The following MIER2 variants were observed in gnomAD, a reference collection of about 807,000 sequenced individuals.
The protein encoded by MIER2 is MIER family member 2.
A neutral mutation model predicts 67.6 loss-of-function variants in MIER2; 30 were observed. The ratio of observed to expected loss-of-function variants is 0.44; its 90% CI spans 0.33 to 0.60. MIER2 has a LOEUF of 0.60. Ranked by LOEUF, MIER2 falls within the 20% of genes least tolerant of loss-of-function variation. MIER2 has a pLI of 0.02. For missense variants in MIER2, 702 were observed against 745.1 expected (o/e 0.94, Z 0.67); for synonymous variants, 372 against 312.6 (o/e 1.19, Z -2.00).
intron 8 of MIER2, 38 bp from the exon 9 acceptor site, chr19:312,310 C>A: frequency 6.3e-7 from 1 of 1,594,436 alleles, no homozygotes; most frequent in Non-Finnish European, 8.6e-7. Context: ...ATGGGCTCAG[C>A]GCAGGAGCCG....
At chr19:343,141 A>C (rs1407979728) in intron 1 of MIER2, among the ~76,000 whole-genome samples, 1 of 152,204 alleles carries the variant, frequency 6.6e-6, no homozygotes, top group East Asian at 1.9e-4. Context: ...AAAGTGTAAA[A>C]CAGGGTTAAC....
At chr19:343,536 G>C (rs920548990) in intron 1 of MIER2, among the ~76,000 whole-genome samples, 14 of 152,206 alleles carry the variant, frequency 9.2e-5, no homozygotes, top group Admixed American at 6.5e-4. Flanking sequence ...TACTGCCCCT[G>C]AGGTCGTCAC....
intron 3 of MIER2, among the ~76,000 whole-genome samples, chr19:329,416 A>G: frequency 6.6e-6 from 1 of 152,152 alleles, no homozygotes; most frequent in East Asian, 1.9e-4. Context: ...ACCCTTTCCT[A>G]AGAGCACTCA....
At chr19:307,726 T>G (rs879791569) in intron 12 of MIER2, among the ~76,000 whole-genome samples, 190 bp from the exon 13 acceptor site, 44 of 142,222 alleles carry the variant, frequency 3.1e-4, no homozygotes, top group Admixed American at 1.6e-3. Context: ...GCTTTAGAAG[T>G]AGATTTTAGT....
chr19:313,444 C>T (rs370412321), intron 8 of MIER2, 48 bp downstream of exon 8: 45 of 1,588,542 alleles, frequency 2.8e-5, no homozygotes, highest in Middle Eastern at 1.8e-4. Flanking sequence ...CTCTGGCCCA[C>T]GCCACGGCAG....
At chr19:329,804 T>C (rs1971935396) in intron 3 of MIER2, among the ~76,000 whole-genome samples, 1 of 147,782 alleles carries the variant, frequency 6.8e-6, no homozygotes, top group Non-Finnish European at 1.5e-5. Context: ...AGGCAGAGGT[T>C]GCAGTGAGCC....
At chr19:319,715 C>T (rs566529315) in intron 7 of MIER2, among the ~76,000 whole-genome samples, 4 of 152,246 alleles carry the variant, frequency 2.6e-5, no homozygotes, top group Admixed American at 2.6e-4. Flanking sequence ...CCCCAGCCTC[C>T]CAAAGTGCTG....
intron 2 of MIER2, among the ~76,000 whole-genome samples, chr19:334,980 G>A (rs560138819): frequency 6.6e-6 from 1 of 152,322 alleles, no homozygotes; most frequent in East Asian, 1.9e-4. Flanking sequence ...GCATCAAGGA[G>A]CATGCAGGGA....
intron 7 of MIER2, among the ~76,000 whole-genome samples, chr19:321,206 T>A (rs1333105626): frequency 6.6e-6 from 1 of 152,146 alleles, no homozygotes; most frequent in Non-Finnish European, 1.5e-5. Context: ...CGGTTTCAAA[T>A]AAATTTTACC....
intron 2 of MIER2, 140 bp from the exon 3 acceptor site, chr19:334,682 C>A (rs1020818931): frequency 6.3e-5 from 71 of 1,124,934 alleles, no homozygotes; most frequent in Non-Finnish European, 4.9e-5. Context: ...GGGAACCCAA[C>A]AGGACACCCC....
rs113699669 is a variant in MIER2, at chr19:342,394, G to C, written c.9+2380C>G. Among the ~76,000 whole-genome samples, 93 of 152,022 alleles carry C rather than the reference G, an allele frequency of 6.1e-4. 1 individual carries two copies. The East Asian group carries it at 0.015, about 24-fold the overall frequency. On this transcript the variant is annotated intron_variant, in intron 1 of 13. Coordinates refer to ENST00000264819, the MANE Select transcript of MIER2 (RefSeq NM_017550.3). ...AGGGAAGGCCTGGGGGGCCTCAGTC[G>C]AGGTGGAACCATCGTTGGCAGCCCC...
chr19:315,179 AC>A (rs143561603), intron 7 of MIER2, among the ~76,000 whole-genome samples: 19,692 of 152,176 alleles, frequency 0.13, 1,653 homozygotes, highest in African/African-American at 0.22. Flanking sequence ...AGCCTGGCAA[AC>A]ATGGCGAAAC....
rs536095027 is a variant in MIER2 at position 327,897 on chromosome 19, C to T, written c.336G>A (p.Val112=). 1.9e-6 allele frequency: 3 copies of T among 1,612,420 alleles called. No individual in the cohort carries two copies. The South Asian group carries it at 3.3e-5, about 18-fold the overall frequency. ...GGGTCATGTCTGGGAGGTTCGGGGC[C>T]ACGTCACCACCCTCACTCTCCCGGT... The part of the protein sequence containing the change: ...ISDRESEGGD[V]APNLPDMTLD... Residue 112 remains valine (V), a synonymous_variant, in exon 4 of 14, where the codon GTG becomes GTA. Transcript: ENST00000264819.
In MIER2 at chr19:344,584, G is replaced by GA. The variant is rs1375763345; in HGVS notation, c.9+189_9+190insT. 3.1e-5 allele frequency: 3 copies of GA among 96,832 alleles called. No individual in the cohort carries two copies. The African/African-American group carries it at 2.0e-3, about 64-fold the overall frequency. The allele number at this position is 96,832 out of a possible 1,614,324, so 6.0% of individuals were successfully genotyped here. On this transcript the variant is annotated intron_variant, in intron 1 of 13. Coordinates refer to ENST00000264819, the MANE Select transcript of MIER2 (RefSeq NM_017550.3). ...CAGCCGGGGGAGTTGGGGGGTGGGG[G>GA]CCGGCCGGGGGCGGCCGCCGATGGA...
chr19:340,639 C>T, intron 1 of MIER2: 1 of 152,584 alleles, frequency 6.6e-6, no homozygotes, highest in Non-Finnish European at 1.5e-5. Context: ...GGAAGGAAAT[C>T]CATGTATAAG....
chr19:342,018 C>T (rs1472076765), intron 1 of MIER2, among the ~76,000 whole-genome samples: 1 of 152,134 alleles, frequency 6.6e-6, no homozygotes, highest in Non-Finnish European at 1.5e-5. Context: ...GTGGCAGGTT[C>T]CATTCGCCAA....
At position 313,534 on chromosome 19, in the gene MIER2, C is replaced by A. The variant is rs1298236403; in HGVS notation, c.765G>T (p.Gly255=). The A allele has an allele frequency of 1.2e-6, 2 of 1,612,994 alleles. No homozygotes were observed. Among genetic ancestry groups the A allele is most frequent in the South Asian group, 2.2e-5 (2 of 91,080 alleles). ...AVKRRWHEMA[G]PQLPEGEAVK... ...CGGCTTCTCCCTCTGGGAGCTGAGG[C>A]CCGGCCATCTCGTGCCAACGCCGCT... Residue 255 remains glycine (G), a synonymous_variant, in exon 8 of 14, where the codon GGG becomes GGT. Coordinates refer to ENST00000264819, the MANE Select transcript of MIER2 (RefSeq NM_017550.3).
At chr19:307,043 C>A (rs963223182) in intron 13 of MIER2, 76 bp downstream of exon 13, 7 of 1,478,616 alleles carry the variant, frequency 4.7e-6, no homozygotes, top group Non-Finnish European at 6.3e-6. Context: ...GCCTCCCACC[C>A]TCCTCTGCTC....
rs1338998551 is a variant in MIER2 at position 334,508 on chromosome 19, G to A, written c.135C>T (p.Asn45=). The change falls in exon 3 of 14, where the codon AAC becomes AAT. Residue 45 remains asparagine (N), a synonymous_variant. Transcript: ENST00000264819. ...AGTTCTGTGACAGGATCTCTGCGAG[G>A]TTGAACTGATGGTCTCCAGAGCCCA... ...VSMGSGDHQF[N]LAEILSQNYS... is the part of the protein sequence containing the mutation. 1.2e-6 allele frequency: 2 copies of A among 1,614,116 alleles called. No homozygotes were observed. The highest frequency in any genetic ancestry group is 2.2e-5 in the East Asian group (1 of 44,876).
Sources: gnomAD v4.1 joint callset for allele counts (sites outside exome capture counted in the v4.1 genomes callset) on GRCh38, gnomAD v4.1.1 for gene constraint, MANE v1.5 for transcripts, NCBI Gene and HGNC (gene_info 2026-07-23, HGNC 2026-07-21) for gene names.